INSL6: variants seen among roughly 807,000 people sequenced by gnomAD.
INSL6 encodes the protein insulin-like peptide INSL6.
Under a neutral mutation model 9.4 loss-of-function variants are expected in INSL6, and 16 were observed. The ratio of observed to expected loss-of-function variants is 1.70; its 90% CI spans 1.15 to 2.59. The LOEUF (loss-of-function observed/expected upper bound fraction) is 2.59, where lower values mean the gene tolerates loss of function less well. INSL6 is among the 30% of genes most tolerant of loss of function. The pLI, the probability that INSL6 is intolerant of heterozygous loss-of-function variation, is 0.00. For missense variants in INSL6, 391 were observed against 257.3 expected (o/e 1.52, Z -3.56); for synonymous variants, 154 against 96.9 (o/e 1.59, Z -3.46).
the INSL6 span, chr9:5,022,295 T>C: frequency 1.3e-5 from 11 of 831,228 alleles, no homozygotes; most frequent in Middle Eastern, 1.8e-3. Context: ...ACATGCATAA[T>C]ATATATTTTT....
At chr9:5,154,848 G>T (rs1482143624) in intron 2 of INSL6, among the ~76,000 whole-genome samples, 1 of 152,174 alleles carries the variant, frequency 6.6e-6, no homozygotes, top group African/African-American at 2.4e-5. Flanking sequence ...AGGATGTGGA[G>T]AAACAGGAAC....
At chr9:5,040,175 A>ATCAG in the INSL6 span, among the ~76,000 whole-genome samples, 1 of 152,186 alleles carries the variant, frequency 6.6e-6, no homozygotes, top group East Asian at 1.9e-4. Context: ...TTGATTTTTG[A>ATCAG]TCAGGGTGCC....
the INSL6 span, chr9:5,110,949 G>A: frequency 4.6e-5 from 27 of 590,568 alleles, no homozygotes; most frequent in African/African-American, 4.8e-4. Context: ...CCGTGGACAC[G>A]GACAAGGAGC....
chr9:4,997,626 G>C, the INSL6 span, among the ~76,000 whole-genome samples: 7 of 152,156 alleles, frequency 4.6e-5, no homozygotes, highest in Non-Finnish European at 8.8e-5. Flanking sequence ...GAAATTTAAA[G>C]GGGACAACAT....
chr9:5,070,586 A>G, the INSL6 span, among the ~76,000 whole-genome samples: 1 of 151,980 alleles, frequency 6.6e-6, no homozygotes, highest in East Asian at 1.9e-4. Flanking sequence ...TTTTAAAATT[A>G]TTTATTTATT....
chr9:5,064,892 C>T, the INSL6 span: 1 of 1,580,570 alleles, frequency 6.3e-7, no homozygotes, highest in Non-Finnish European at 8.6e-7. Flanking sequence ...GGAAATTGAA[C>T]TTAGCTCATT....
the INSL6 span, among the ~76,000 whole-genome samples, chr9:5,042,357 T>G: frequency 5.3e-5 from 8 of 151,384 alleles, no homozygotes; most frequent in Admixed American, 3.9e-4. Flanking sequence ...CAGGATGGTC[T>G]CGATCTCCTG....
intron 2 of INSL6, among the ~76,000 whole-genome samples, chr9:5,145,451 G>A (rs1824583967): frequency 6.6e-6 from 1 of 152,146 alleles, no homozygotes; most frequent in Non-Finnish European, 1.5e-5. Context: ...TGATCTTCTT[G>A]TGGAGTATCT....
intron 1 of INSL6, among the ~76,000 whole-genome samples, chr9:5,166,000 G>A (rs919212619): frequency 6.6e-6 from 1 of 152,180 alleles, no homozygotes; most frequent in African/African-American, 2.4e-5. Context: ...ACAATGGCTA[G>A]CAATCCACGT....
downstream of INSL6, among the ~76,000 whole-genome samples, chr9:5,160,747 A>C (rs1056790710): frequency 6.6e-6 from 1 of 152,186 alleles, no homozygotes; most frequent in Non-Finnish European, 1.5e-5. Flanking sequence ...AATTAGAGAT[A>C]AAAAGGAGAA....
At chr9:5,107,234 C>T in the INSL6 span, among the ~76,000 whole-genome samples, 2 of 152,090 alleles carry the variant, frequency 1.3e-5, no homozygotes, top group African/African-American at 2.4e-5. Flanking sequence ...AATAACCTGA[C>T]ACTAGCCTTA....
the INSL6 span, among the ~76,000 whole-genome samples, chr9:4,995,238 G>A: frequency 9.9e-5 from 15 of 152,068 alleles, no homozygotes; most frequent in African/African-American, 3.6e-4. Flanking sequence ...CTTTTACTTT[G>A]CTTTGTGGGA....
chr9:5,161,062 G>A (rs57106036), downstream of INSL6, among the ~76,000 whole-genome samples: 13,743 of 152,050 alleles, frequency 0.09, 1,869 homozygotes, highest in African/African-American at 0.3. Flanking sequence ...AGACGTGGAG[G>A]GAATACTTCC....
chr9:5,126,896 T>A (rs2130866820), intron 3 of INSL6: 1 of 579,932 alleles, frequency 1.7e-6, no homozygotes, highest in African/African-American at 2.0e-5. Flanking sequence ...ATATAAATCA[T>A]GATGCTAGCC....
At chr9:5,177,695 G>T (rs1385466865) in intron 1 of INSL6, among the ~76,000 whole-genome samples, 1 of 152,178 alleles carries the variant, frequency 6.6e-6, no homozygotes, top group Non-Finnish European at 1.5e-5. Context: ...AGCAAAAGCT[G>T]GAGTCCACCT....
chr9:5,010,049 G>A, the INSL6 span, among the ~76,000 whole-genome samples: 1 of 152,186 alleles, frequency 6.6e-6, no homozygotes, highest in South Asian at 2.1e-4. Context: ...TGGGATTGGA[G>A]GCATGAGCCA....
intron 2 of INSL6, among the ~76,000 whole-genome samples, chr9:5,139,734 A>C (rs1228641531): frequency 6.6e-6 from 1 of 152,220 alleles, no homozygotes; most frequent in Non-Finnish European, 1.5e-5. Context: ...AGATCTGCTC[A>C]GGAACACAGC....
chr9:4,997,274 C>T, the INSL6 span, among the ~76,000 whole-genome samples: 4 of 152,006 alleles, frequency 2.6e-5, no homozygotes, highest in African/African-American at 7.3e-5. Context: ...ATACCTGAGG[C>T]TGAGTAATTT....
chr9:5,007,884 C>T, the INSL6 span, among the ~76,000 whole-genome samples: 8 of 152,110 alleles, frequency 5.3e-5, no homozygotes, highest in African/African-American at 9.6e-5. Flanking sequence ...CGTGCCACCA[C>T]GCCTGGCTAA....
Sources: allele counts gnomAD v4.1 joint callset (sites outside exome capture counted in the v4.1 genomes callset), GRCh38; gene constraint gnomAD v4.1.1; transcripts MANE v1.5; gene names NCBI Gene and HGNC (gene_info 2026-07-23, HGNC 2026-07-21).